The following RIC1 variants were observed in gnomAD, a reference collection of about 807,000 sequenced individuals.
RIC1 encodes the protein RIC1 partner of RAB6A GEF complex, also known as guanine nucleotide exchange factor subunit RIC1.
RIC1 carries 88 observed loss-of-function variants against 169.0 expected under a neutral mutation model. The ratio of observed to expected loss-of-function variants is 0.52; its 90% CI spans 0.44 to 0.62. The LOEUF is 0.62. Ranked by LOEUF, RIC1 falls within the 20% of genes least tolerant of loss-of-function variation. The pLI is 0.00. For missense variants in RIC1, 1,877 were observed against 1,725.5 expected, an observed-to-expected ratio of 1.09 and a Z score of -1.56; for synonymous variants, 790 against 601.5, an observed-to-expected ratio of 1.31 and a Z score of -4.59.
chr9:5,753,726 C>A, intron 14 of RIC1, 80 bp downstream of exon 14: 2 of 587,390 alleles, frequency 3.4e-6, no homozygotes, highest in South Asian at 4.0e-5. Context: ...AAGTTTATCA[C>A]TAAGTAATTT....
Position 5,776,062 on chromosome 9 carries a change from G to A in RIC1, c.*1816G>A, listed in dbSNP as rs1247712979. On this transcript the variant is annotated 3_prime_UTR_variant, in exon 26 of 26. Transcript: ENST00000414202. The stretch of plus-strand genomic sequence containing the variant: ...AATAAAAATGATTTACCATTATAAA[G>A]AGCTGTGATCTTTTCAAGTATCTGA... The A allele has an allele frequency of 6.6e-6, 1 of 152,146 alleles. No homozygotes were observed. Among genetic ancestry groups the A allele is most frequent in the Non-Finnish European group, 1.5e-5 (1 of 68,008 alleles). The allele number at this position is 152,146 out of a possible 1,614,324, so 9.4% of individuals were successfully genotyped here.
At chr9:5,696,213 C>G (rs1167136806) in intron 3 of RIC1, among the ~76,000 whole-genome samples, 2 of 152,082 alleles carry the variant, frequency 1.3e-5, no homozygotes, top group Admixed American at 1.3e-4. Flanking sequence ...TTCCCCTAGT[C>G]TCTTTCACCT....
At chr9:5,715,179 T>C (rs1365083756) in intron 4 of RIC1, among the ~76,000 whole-genome samples, 1 of 152,234 alleles carries the variant, frequency 6.6e-6, no homozygotes, top group East Asian at 1.9e-4. Flanking sequence ...CTTCACATTT[T>C]ATTTATTTCA....
chr9:5,712,214 T>G (rs1454865680), intron 3 of RIC1, among the ~76,000 whole-genome samples: 1 of 152,188 alleles, frequency 6.6e-6, no homozygotes, highest in Non-Finnish European at 1.5e-5. Flanking sequence ...TGTTCCTATT[T>G]CTTCACATCC....
chr9:5,732,283 A>C, intron 6 of RIC1, 105 bp from the exon 7 acceptor site: 1 of 894,698 alleles, frequency 1.1e-6, no homozygotes, highest in Non-Finnish European at 1.8e-6. Flanking sequence ...AGATGAAACC[A>C]AATAAAGCAT....
chr9:5,647,942 T>TGGG (rs1818602766), intron 1 of RIC1, among the ~76,000 whole-genome samples: 2 of 102,864 alleles, frequency 1.9e-5, no homozygotes, highest in Admixed American at 2.1e-4. Context: ...GGGTGGGTGG[T>TGGG]GGTGGTGGTG....
At position 5,730,755 on chromosome 9, in the gene RIC1, A is replaced by G. The variant is rs139285849; in HGVS notation, c.721-1633A>G. On this transcript the variant is annotated intron_variant, in intron 6 of 25. Coordinates refer to ENST00000414202, the MANE Select transcript of RIC1 (RefSeq NM_020829.4). ...ATTTCATTTTCATGTATTCTTTATT[A>G]TAATTCATGACAGAAAAGTTTAAAA... Among the ~76,000 whole-genome samples, 335 of 152,260 alleles carry G rather than the reference A, an allele frequency of 2.2e-3. 2 individuals carry two copies. Among genetic ancestry groups the G allele is most frequent in the African/African-American group, 7.8e-3 (325 of 41,550 alleles).
intron 6 of RIC1, among the ~76,000 whole-genome samples, chr9:5,728,746 T>A (rs887446624): frequency 3.9e-5 from 6 of 152,234 alleles, no homozygotes; most frequent in African/African-American, 1.4e-4. Flanking sequence ...TTGCTTACTA[T>A]AATCTTTAAC....
At chr9:5,734,139 C>A (rs1824549206) in intron 7 of RIC1, among the ~76,000 whole-genome samples, 1 of 150,024 alleles carries the variant, frequency 6.7e-6, no homozygotes, top group Non-Finnish European at 1.5e-5. Context: ...GACAGTCTCG[C>A]TCTGTCGCCC....
intron 21 of RIC1, 83 bp from the exon 22 acceptor site, chr9:5,768,887 C>T: frequency 1.4e-6 from 2 of 1,417,046 alleles, no homozygotes; most frequent in Non-Finnish European, 1.9e-6. Context: ...TCCTTGTCAG[C>T]TTTATCAGTA....
chr9:5,720,648 C>T lies in RIC1; in HGVS notation c.618C>T (p.Ile206=), dbSNP rs141426151. The stretch of plus-strand genomic sequence containing the variant: ...TCCTGGGCTTCACAGACGTACACAT[C>T]AGAGACATGGAATACTGTGCCACAC... ...GSFLGFTDVH[I]RDMEYCATLD... is the part of the protein sequence containing the mutation. The change falls in exon 6 of 26, where the codon ATC becomes ATT. Residue 206 remains isoleucine, a synonymous_variant. Coordinates refer to ENST00000414202, the MANE Select transcript of RIC1 (RefSeq NM_020829.4). The T allele has an allele frequency of 7.3e-4, 1,169 of 1,610,326 alleles. No individual in the cohort carries two copies. Among genetic ancestry groups the T allele is most frequent in the Non-Finnish European group, 9.0e-4 (1,066 of 1,178,728 alleles).
chr9:5,654,502 C>G (rs1284778751), intron 1 of RIC1, among the ~76,000 whole-genome samples: 1 of 152,072 alleles, frequency 6.6e-6, no homozygotes, highest in Non-Finnish European at 1.5e-5. Context: ...TCTATCTTGG[C>G]CTCCCAAAGT....
intron 2 of RIC1, among the ~76,000 whole-genome samples, chr9:5,683,067 A>G (rs890658405): frequency 1.4e-4 from 22 of 151,940 alleles, no homozygotes; most frequent in Non-Finnish European, 2.9e-4. Flanking sequence ...CCATTCGTCT[A>G]ATTTTTTTTC....
At chr9:5,675,625 A>T (rs529788679) in intron 2 of RIC1, among the ~76,000 whole-genome samples, 1 of 152,330 alleles carries the variant, frequency 6.6e-6, no homozygotes, top group East Asian at 1.9e-4. Context: ...TTAATAAATT[A>T]ATGTGAAATT....
intron 3 of RIC1, 44 bp downstream of exon 3, chr9:5,690,082 C>G (rs1298006177): frequency 1.6e-6 from 2 of 1,275,680 alleles, no homozygotes; most frequent in African/African-American, 3.1e-5. Flanking sequence ...GATTTGCATA[C>G]TTTATATTCA....
In RIC1 at chr9:5,673,535, G is replaced by GATATAT. The variant is rs59648906; in HGVS notation, c.253-16406_253-16401dup. On this transcript the variant is annotated intron_variant, in intron 2 of 25. Coordinates refer to ENST00000414202, the MANE Select transcript of RIC1 (RefSeq NM_020829.4). Reference sequence around the variant, plus strand: ...ATATATATGCACCAAAACATAAGGAGATATATATATATATATATATATAAA... The same window carrying GATATAT: ...ATATATATGCACCAAAACATAAGGAGATATATATATATATATATATATATATATAAA... Among the ~76,000 whole-genome samples the GATATAT allele has an allele frequency of 6.8e-3, 814 of 119,274 alleles. 42 individuals carry two copies. The highest frequency in any genetic ancestry group is 0.031 in the East Asian group (122 of 3,972). The allele number at this position is 119,274 out of a possible 152,430, so 78.2% of individuals were successfully genotyped here. A position where few individuals can be genotyped will look rare whatever the true frequency, so the allele number is the denominator to read the frequency against.
intron 3 of RIC1, among the ~76,000 whole-genome samples, chr9:5,696,612 C>T (rs1438679506): frequency 2.0e-5 from 3 of 151,882 alleles, no homozygotes; most frequent in African/African-American, 7.3e-5. Flanking sequence ...AAAAAAAATC[C>T]AACAATGAGA....
intron 2 of RIC1, among the ~76,000 whole-genome samples, chr9:5,680,519 G>C (rs868397065): frequency 6.6e-6 from 1 of 152,064 alleles, no homozygotes; most frequent in South Asian, 2.1e-4. Context: ...CAATTTCAGA[G>C]CCTGTTATTG....
intron 2 of RIC1, among the ~76,000 whole-genome samples, chr9:5,679,012 A>G (rs1048371109): frequency 6.6e-6 from 1 of 151,924 alleles, no homozygotes; most frequent in Admixed American, 6.6e-5. Context: ...ATCTTGAATT[A>G]ATTTTTGTAT....
Sources: allele counts gnomAD v4.1 joint callset (sites outside exome capture counted in the v4.1 genomes callset), GRCh38; gene constraint gnomAD v4.1.1; transcripts MANE v1.5; gene names NCBI Gene and HGNC (gene_info 2026-07-23, HGNC 2026-07-21).